SEMA6D: variants seen among roughly 807,000 people sequenced by gnomAD.
SEMA6D encodes the protein semaphorin-6D.
A neutral mutation model predicts 106.6 loss-of-function variants in SEMA6D; 35 were observed. The ratio of observed to expected loss-of-function variants is 0.33; its 90% confidence interval spans 0.25 to 0.44. The LOEUF (loss-of-function observed/expected upper bound fraction) is 0.44, where lower values mean the gene tolerates loss of function less well. Ranked by LOEUF, SEMA6D falls within the 20% of genes least tolerant of loss-of-function variation. SEMA6D has a pLI of 1.00. For missense variants in SEMA6D, 1,185 were observed against 1,345.9 expected, an observed-to-expected ratio of 0.88 and a Z score of 1.87; for synonymous variants, 499 against 487.7, an observed-to-expected ratio of 1.02 and a Z score of -0.31.
intron 3 of SEMA6D, among the ~76,000 whole-genome samples, chr15:47,524,924 G>A (rs2044703345): frequency 6.6e-6 from 1 of 152,172 alleles, no homozygotes; most frequent in Admixed American, 6.5e-5. Flanking sequence ...GACAAAAAAA[G>A]GGTTCCTTCA....
At chr15:47,289,765 T>C in intron 1 of SEMA6D, among the ~76,000 whole-genome samples, 1 of 151,900 alleles carries the variant, frequency 6.6e-6, no homozygotes, top group Admixed American at 6.6e-5. Context: ...CTTAGGGCAT[T>C]ATGAGCAGAC....
intron 1 of SEMA6D, among the ~76,000 whole-genome samples, chr15:47,726,701 T>C (rs1364732153): frequency 6.6e-6 from 1 of 152,236 alleles, no homozygotes; most frequent in East Asian, 1.9e-4. Context: ...GAGACACAGA[T>C]GAATTAATAT....
chr15:47,411,775 G>T (rs1205049870), intron 1 of SEMA6D, among the ~76,000 whole-genome samples: 1 of 152,022 alleles, frequency 6.6e-6, no homozygotes, highest in African/African-American at 2.4e-5. Flanking sequence ...TGTCTGTGTG[G>T]CCACTTCCGG....
chr15:47,534,556 G>C (rs1292535427), intron 3 of SEMA6D, among the ~76,000 whole-genome samples: 4 of 152,136 alleles, frequency 2.6e-5, no homozygotes, highest in Admixed American at 6.5e-5. Context: ...AAAATAAATA[G>C]AATAGTTACT....
intron 1 of SEMA6D, among the ~76,000 whole-genome samples, chr15:47,363,939 G>A (rs549128345): frequency 3.2e-4 from 49 of 152,102 alleles, no homozygotes; most frequent in Non-Finnish European, 6.0e-4. Context: ...AATGCCAGAC[G>A]CTTATAAAAC....
Position 47,723,935 on chromosome 15 carries a change from C to T in SEMA6D, c.-55+6243C>T, listed in dbSNP as rs1467246183. 1.3e-5 allele frequency among the ~76,000 whole-genome samples: 2 copies of T among 152,210 alleles called. 1 individual carries two copies. The highest frequency in any genetic ancestry group is 2.9e-5 in the Non-Finnish European group (2 of 68,040). On this transcript the variant is annotated intron_variant, in intron 1 of 18. Coordinates refer to ENST00000536845, the MANE Select transcript of SEMA6D (RefSeq NM_001358351.3). ...AAAAATAACGTCAGGAGTTTCTACT[C>T]AGCTGAGGAACTGGCACATAAGAAC...
chr15:47,301,655 C>T (rs1449816458), intron 1 of SEMA6D, among the ~76,000 whole-genome samples: 2 of 152,216 alleles, frequency 1.3e-5, no homozygotes, highest in Admixed American at 6.5e-5. Context: ...GGGCCACAGC[C>T]TTTCTCTGCA....
chr15:47,719,269 C>G (rs1160008343), intron 1 of SEMA6D, among the ~76,000 whole-genome samples: 1 of 152,070 alleles, frequency 6.6e-6, no homozygotes, highest in Admixed American at 6.5e-5. Flanking sequence ...TCCAGCATCC[C>G]GAGCCCTCAG....
intron 1 of SEMA6D, among the ~76,000 whole-genome samples, chr15:47,351,755 A>G (rs2038335216): frequency 6.6e-6 from 1 of 152,204 alleles, no homozygotes; most frequent in Non-Finnish European, 1.5e-5. Flanking sequence ...CCATGACTCA[A>G]ATCAGTGCCT....
At chr15:47,707,239 A>G (rs906660731) in intron 4 of SEMA6D, among the ~76,000 whole-genome samples, 7 of 152,338 alleles carry the variant, frequency 4.6e-5, no homozygotes, top group Non-Finnish European at 8.8e-5. Context: ...TTTACACTTT[A>G]GCAGCAAATC....
intron 1 of SEMA6D, among the ~76,000 whole-genome samples, chr15:47,197,504 C>CTT (rs34468502): frequency 4.6e-4 from 64 of 140,156 alleles, no homozygotes; most frequent in African/African-American, 1.6e-3. Flanking sequence ...TTGCAAGTGT[C>CTT]TTTTTTTTTT....
At chr15:47,651,714 G>A (rs942638567) in intron 4 of SEMA6D, among the ~76,000 whole-genome samples, 6 of 152,222 alleles carry the variant, frequency 3.9e-5, no homozygotes, top group Admixed American at 6.5e-5. Flanking sequence ...CTCTAGATTT[G>A]ACAACCTTTG....
chr15:47,474,057 G>T (rs1238860029), intron 3 of SEMA6D, among the ~76,000 whole-genome samples: 1 of 152,190 alleles, frequency 6.6e-6, no homozygotes, highest in Non-Finnish European at 1.5e-5. Context: ...AAAAGGAGAA[G>T]GAGGCTTAAT....
intron 2 of SEMA6D, among the ~76,000 whole-genome samples, chr15:47,442,151 A>G (rs1403274913): frequency 1.3e-5 from 2 of 152,108 alleles, no homozygotes; most frequent in African/African-American, 4.8e-5. Flanking sequence ...TACATTGACA[A>G]TATTTCCACT....
At chr15:47,720,246 A>G (rs902556317) in intron 1 of SEMA6D, among the ~76,000 whole-genome samples, 78 of 147,268 alleles carry the variant, frequency 5.3e-4, no homozygotes, top group Admixed American at 2.4e-3. Flanking sequence ...TAGGGATGCT[A>G]TATCAATAAC....
chr15:47,526,361 G>T (rs2044755385), intron 3 of SEMA6D, among the ~76,000 whole-genome samples: 1 of 152,156 alleles, frequency 6.6e-6, no homozygotes, highest in Non-Finnish European at 1.5e-5. Flanking sequence ...CTTTTTGGGG[G>T]CTGAATACCG....
chr15:47,421,413 C>T (rs2041150988), intron 2 of SEMA6D, among the ~76,000 whole-genome samples: 2 of 152,076 alleles, frequency 1.3e-5, no homozygotes, highest in African/African-American at 4.8e-5. Flanking sequence ...TTTAACTACC[C>T]TCATGTATTT....
intron 17 of SEMA6D, among the ~76,000 whole-genome samples, chr15:47,767,668 T>C (rs2082416310): frequency 6.6e-6 from 1 of 152,190 alleles, no homozygotes; most frequent in South Asian, 2.1e-4. Flanking sequence ...TCTCTGTACC[T>C]GTTTGGAGCC....
intron 1 of SEMA6D, among the ~76,000 whole-genome samples, chr15:47,306,403 A>T (rs2036235314): frequency 6.6e-6 from 1 of 152,212 alleles, no homozygotes; most frequent in South Asian, 2.1e-4. Context: ...GAAAATAAAT[A>T]GAAAATACAG....
Sources: gnomAD v4.1 joint callset for allele counts (sites outside exome capture counted in the v4.1 genomes callset) on GRCh38, gnomAD v4.1.1 for gene constraint, MANE v1.5 for transcripts, NCBI Gene and HGNC (gene_info 2026-07-23, HGNC 2026-07-21) for gene names.